TAFA2: variants seen among roughly 807,000 people sequenced by gnomAD.
TAFA2 encodes chemokine-like protein TAFA-2.
Under a neutral mutation model 18.8 loss-of-function variants are expected in TAFA2, and 7 were observed. The observed-to-expected ratio is 0.37, with a 90% confidence interval of 0.21 to 0.70. The LOEUF (loss-of-function observed/expected upper bound fraction) is 0.70. Ranked by LOEUF, TAFA2 falls within the 30% of genes least tolerant of loss-of-function variation. The probability of loss-of-function intolerance (pLI) is 0.53; values close to 1 mark genes in which losing one functional copy is unlikely to be tolerated. For missense variants in TAFA2, 122 were observed against 158.1 expected (o/e 0.77, Z 1.23); for synonymous variants, 60 against 54.2 (o/e 1.11, Z -0.47).
At chr12:62,234,485 A>C (rs1417741208) in intron 1 of TAFA2, 1 of 1,083,672 alleles carries the variant, frequency 9.2e-7, no homozygotes, top group East Asian at 2.7e-5. Flanking sequence ...AGATGGTCAG[A>C]CCTCATGAAC....
intron 1 of TAFA2, among the ~76,000 whole-genome samples, chr12:61,905,049 G>A (rs1159560692): frequency 2.0e-5 from 3 of 152,050 alleles, no homozygotes; most frequent in Admixed American, 2.0e-4. Flanking sequence ...CATTCAAAAG[G>A]TTTTGCTCCT....
intron 1 of TAFA2, among the ~76,000 whole-genome samples, chr12:61,881,895 CTG>C (rs1368272651): frequency 6.6e-6 from 1 of 151,374 alleles, no homozygotes; most frequent in African/African-American, 2.4e-5. Flanking sequence ...TACTCATGGA[CTG>C]TGTAAACTCT....
intron 1 of TAFA2, among the ~76,000 whole-genome samples, chr12:61,872,943 T>G (rs1292040909): frequency 6.6e-6 from 1 of 152,228 alleles, no homozygotes; most frequent in Non-Finnish European, 1.5e-5. Context: ...TTCACTATTT[T>G]ATACATTTGT....
At chr12:62,140,406 T>G (rs927500099) in intron 1 of TAFA2, 1 of 152,196 alleles carries the variant, frequency 6.6e-6, no homozygotes, top group Middle Eastern at 3.2e-3. Flanking sequence ...TCTGGTGCTA[T>G]CCATATCTGG....
intron 2 of TAFA2, among the ~76,000 whole-genome samples, chr12:61,785,319 T>TG (rs1870683163): frequency 7.1e-6 from 1 of 140,084 alleles, no homozygotes; most frequent in East Asian, 2.1e-4. Context: ...AATAGTATTC[T>TG]TGTGTGTGTG....
At chr12:62,086,493 T>G (rs1331090055) in intron 1 of TAFA2, among the ~76,000 whole-genome samples, 1 of 152,070 alleles carries the variant, frequency 6.6e-6, no homozygotes, top group African/African-American at 2.4e-5. Context: ...AAGACTTGAA[T>G]AGAGATTTCT....
At chr12:61,938,727 T>C (rs925831570) in intron 1 of TAFA2, among the ~76,000 whole-genome samples, 1 of 152,076 alleles carries the variant, frequency 6.6e-6, no homozygotes, top group Non-Finnish European at 1.5e-5. Context: ...TACTCAGCAA[T>C]GAAAAAGAAT....
chr12:62,212,195 A>G (rs79313003), intron 1 of TAFA2, among the ~76,000 whole-genome samples: 1 of 152,322 alleles, frequency 6.6e-6, no homozygotes, highest in East Asian at 1.9e-4. Flanking sequence ...ACAGAATTGG[A>G]GAGGAAGTTT....
rs11174345 is a variant in TAFA2 at position 62,141,938 on chromosome 12, T to C, written c.-2+49321A>G. 9.2e-3 allele frequency among the ~76,000 whole-genome samples: 1,400 copies of C among 152,324 alleles called. 10 individuals carry two copies. Among genetic ancestry groups the C allele is most frequent in the Non-Finnish European group, 0.014 (952 of 68,028 alleles). On this transcript the variant is annotated intron_variant, in intron 1 of 4. Transcript: ENST00000416284. Reference sequence around the variant, plus strand: ...TCTTCCTATGGAAATGCATTGAAACTGTCCCTAACACTAGGTTATCATTGT... The same window carrying C: ...TCTTCCTATGGAAATGCATTGAAACCGTCCCTAACACTAGGTTATCATTGT...
At chr12:62,017,001 A>T (rs764893936) in intron 1 of TAFA2, among the ~76,000 whole-genome samples, 1 of 152,202 alleles carries the variant, frequency 6.6e-6, no homozygotes, top group Non-Finnish European at 1.5e-5. Flanking sequence ...TAGCTGTATG[A>T]TCTTAATGAT....
chr12:62,043,371 C>T (rs1881815909), intron 1 of TAFA2, among the ~76,000 whole-genome samples: 1 of 151,974 alleles, frequency 6.6e-6, no homozygotes, highest in African/African-American at 2.4e-5. Context: ...GGACAAAAAA[C>T]CAAACACCAC....
At chr12:62,076,284 GTTTC>G (rs1868248484) in intron 1 of TAFA2, among the ~76,000 whole-genome samples, 1 of 152,088 alleles carries the variant, frequency 6.6e-6, no homozygotes, top group South Asian at 2.1e-4. Context: ...TTTATTTGAA[GTTTC>G]TTTGAGAAAA....
chr12:62,215,232 T>C (rs1443288144), intron 1 of TAFA2, among the ~76,000 whole-genome samples: 1 of 152,168 alleles, frequency 6.6e-6, no homozygotes, highest in Non-Finnish European at 1.5e-5. Flanking sequence ...GGTAAGTCAA[T>C]TTTTCACAAA....
At chr12:61,828,077 T>C (rs1429837494) in intron 2 of TAFA2, among the ~76,000 whole-genome samples, 1 of 151,986 alleles carries the variant, frequency 6.6e-6, no homozygotes, top group Admixed American at 6.6e-5. Context: ...ACCAGGTTAG[T>C]AATGGCAACA....
chr12:61,748,717 A>G (rs1868855511), intron 4 of TAFA2, among the ~76,000 whole-genome samples: 1 of 152,180 alleles, frequency 6.6e-6, no homozygotes, highest in South Asian at 2.1e-4. Context: ...CTTACAGTGA[A>G]AGGATTAAAA....
chr12:61,710,144 A>G lies in TAFA2; in HGVS notation c.*262T>C, dbSNP rs1209689041. 4.4e-6 allele frequency: 2 copies of G among 453,760 alleles called. No homozygotes were observed. The highest frequency in any genetic ancestry group is 7.9e-6 in the Non-Finnish European group (2 of 254,080). The allele number at this position is 453,760 out of a possible 1,614,324, so 28.1% of individuals were successfully genotyped here. A position where few individuals can be genotyped will look rare whatever the true frequency, so the allele number is the denominator to read the frequency against. On this transcript the variant is annotated 3_prime_UTR_variant, in exon 5 of 5. Coordinates refer to ENST00000416284, the MANE Select transcript of TAFA2 (RefSeq NM_178539.5). ...AAAAACAACTCTTCACCAGCTCCTC[A>G]GACAGTGACTTCAAATTCTTTTAAC...
intron 1 of TAFA2, among the ~76,000 whole-genome samples, chr12:62,056,055 C>G (rs1882179852): frequency 6.6e-6 from 1 of 152,146 alleles, no homozygotes; most frequent in Non-Finnish European, 1.5e-5. Context: ...ATCTAAAGTT[C>G]TAACAAATAT....
intron 4 of TAFA2, among the ~76,000 whole-genome samples, chr12:61,710,731 T>C (rs571988305): frequency 9.9e-5 from 15 of 152,036 alleles, no homozygotes; most frequent in African/African-American, 3.4e-4. Context: ...GGAATCCTTG[T>C]TTTTTTGCAC....
intron 2 of TAFA2, among the ~76,000 whole-genome samples, chr12:61,817,639 T>C (rs977732340): frequency 6.6e-6 from 1 of 152,162 alleles, no homozygotes; most frequent in African/African-American, 2.4e-5. Flanking sequence ...AGGTACGCCC[T>C]GGGTCTTAAA....
Sources: gnomAD v4.1 joint callset for allele counts (sites outside exome capture counted in the v4.1 genomes callset) on GRCh38, gnomAD v4.1.1 for gene constraint, MANE v1.5 for transcripts, NCBI Gene and HGNC (gene_info 2026-07-23, HGNC 2026-07-21) for gene names.